Variants in DOCK8 observed in about 807,000 individuals in gnomAD.
DOCK8 encodes the protein dedicator of cytokinesis protein 8.
Under a neutral mutation model 245.6 loss-of-function variants are expected in DOCK8, and 141 were observed. The observed-to-expected ratio is 0.57, with a 90% CI of 0.50 to 0.66. The LOEUF (loss-of-function observed/expected upper bound fraction) is 0.66, where lower values mean the gene tolerates loss of function less well. DOCK8 is among the 30% of genes least tolerant of loss of function. The probability of loss-of-function intolerance (pLI) is 0.00; values close to 1 mark genes in which losing one functional copy is unlikely to be tolerated. For missense variants in DOCK8, 2,965 were observed against 2,603.4 expected (o/e 1.14, Z -3.02); for synonymous variants, 1,168 against 970.2 (o/e 1.20, Z -3.79).
rs779346551 is a variant in DOCK8 at position 414,787 on chromosome 9, G to A, written c.3536G>A (p.Ser1179Asn). 6.2e-7 allele frequency: 1 copy of A among 1,614,194 alleles called. No individual in the cohort carries two copies. Among genetic ancestry groups the A allele is most frequent in the Non-Finnish European group, 8.5e-7 (1 of 1,180,020 alleles). ...AALDAEGEGI[S>N]KVQRKAVSAI... is the part of the protein sequence containing the mutation. ...TTCCTGTGTTGTGCCAACAGAATCA[G>A]CAAAGTACAAAGGAAAGCTGTCAGT... Residue 1179 changes from serine to asparagine, a missense_variant, in exon 29 of 48, where the codon AGC (serine) becomes AAC (asparagine). Physicochemically the swap from Ser to Asn is conservative, Grantham distance 46. This residue lies in a region of DOCK8 where 2,825 missense variants were observed against 2,453.5 expected (regional missense o/e 1.15). Transcript: ENST00000432829.
At chr9:344,864 C>G (rs560180099) in intron 14 of DOCK8, among the ~76,000 whole-genome samples, 1 of 151,970 alleles carries the variant, frequency 6.6e-6, no homozygotes, top group Non-Finnish European at 1.5e-5. Context: ...CCAGCCTGGC[C>G]AACACGGTGA....
chr9:368,177 T>C, intron 15 of DOCK8, 42 bp downstream of exon 15: 3 of 1,471,820 alleles, frequency 2.0e-6, no homozygotes, highest in Non-Finnish European at 2.9e-6. Flanking sequence ...CAGGGTGGGC[T>C]GCTCACCCCT....
intron 11 of DOCK8, among the ~76,000 whole-genome samples, chr9:334,898 A>G (rs1370399797): frequency 6.6e-6 from 1 of 152,142 alleles, no homozygotes; most frequent in Non-Finnish European, 1.5e-5. Context: ...CCTGGCCAAC[A>G]TGGTAAAACC....
chr9:338,146 T>G (rs1240856719), intron 12 of DOCK8, among the ~76,000 whole-genome samples: 1 of 148,014 alleles, frequency 6.8e-6, no homozygotes, highest in Non-Finnish European at 1.5e-5. Context: ...AGAGTGAGGC[T>G]CCATCTCAGA....
rs2055955524 is a variant in DOCK8 at position 415,540 on chromosome 9, A to G, written c.3700+589A>G. 2.0e-5 allele frequency among the ~76,000 whole-genome samples: 3 copies of G among 152,232 alleles called. No individual in the cohort carries two copies. The South Asian group carries it at 6.2e-4, about 32-fold the overall frequency. ...TCTTAAAGGGGTTTTGTGAAACCCC[A>G]GAATCTATTTACAAATTACATTGTG... On this transcript the variant is annotated intron_variant, in intron 29 of 47. Coordinates refer to ENST00000432829, the MANE Select transcript of DOCK8 (RefSeq NM_203447.4).
chr9:318,002 G>C (rs1185589434), intron 7 of DOCK8, among the ~76,000 whole-genome samples: 2 of 150,868 alleles, frequency 1.3e-5, no homozygotes, highest in Admixed American at 1.3e-4. Context: ...CTATAGACAT[G>C]TATTAATTTT....
chr9:255,622 C>T (rs573027816), intron 1 of DOCK8, among the ~76,000 whole-genome samples: 6 of 142,994 alleles, frequency 4.2e-5, no homozygotes, highest in Non-Finnish European at 6.0e-5. Context: ...GAGCCGAGAT[C>T]GCGCCACTGC....
At chr9:356,345 A>G (rs1384845548) in intron 14 of DOCK8, among the ~76,000 whole-genome samples, 3 of 152,054 alleles carry the variant, frequency 2.0e-5, no homozygotes, top group African/African-American at 7.2e-5. Context: ...TGGCTAACAC[A>G]GTGAAACCCC....
intron 2 of DOCK8, among the ~76,000 whole-genome samples, chr9:280,118 TA>T (rs2048514974): frequency 6.8e-6 from 1 of 146,146 alleles, no homozygotes; most frequent in Non-Finnish European, 1.5e-5. Context: ...TGACATGTGT[TA>T]GGGGCAAGGG....
chr9:402,533 A>T (rs887347025), intron 26 of DOCK8, among the ~76,000 whole-genome samples: 1 of 152,090 alleles, frequency 6.6e-6, no homozygotes, highest in African/African-American at 2.4e-5. Context: ...AAGGTCACTG[A>T]CCCCCATTCG....
chr9:356,840 C>A (rs2052471592), intron 14 of DOCK8, among the ~76,000 whole-genome samples: 1 of 100,304 alleles, frequency 1.0e-5, no homozygotes. Context: ...GGGCATCTTA[C>A]TTGAAAAAAA....
intron 29 of DOCK8, among the ~76,000 whole-genome samples, chr9:417,521 G>T (rs2056080831): frequency 6.6e-6 from 1 of 152,068 alleles, no homozygotes; most frequent in Non-Finnish European, 1.5e-5. Context: ...TTGTATACTG[G>T]TAGCATTCTT....
intron 14 of DOCK8, among the ~76,000 whole-genome samples, chr9:362,647 A>G (rs1166248680): frequency 6.6e-6 from 1 of 152,192 alleles, no homozygotes; most frequent in African/African-American, 2.4e-5. Flanking sequence ...GCTCAGCTAA[A>G]GAGGTGTTCA....
chr9:444,584 C>T (rs181618434), intron 43 of DOCK8, among the ~76,000 whole-genome samples: 50 of 152,202 alleles, frequency 3.3e-4, no homozygotes, highest in Non-Finnish European at 5.3e-4. Context: ...ATTATGTAGG[C>T]AAATTGAATA....
intron 8 of DOCK8, among the ~76,000 whole-genome samples, chr9:326,756 C>T (rs546320811): frequency 1.3e-5 from 2 of 152,310 alleles, no homozygotes; most frequent in African/African-American, 2.4e-5. Context: ...TTGTCACTGC[C>T]ATTGCTGCCC....
At chr9:359,133 T>C (rs1291773195) in intron 14 of DOCK8, among the ~76,000 whole-genome samples, 1 of 152,206 alleles carries the variant, frequency 6.6e-6, no homozygotes, top group Non-Finnish European at 1.5e-5. Flanking sequence ...ATGCTGCTAC[T>C]CATTGGACTG....
intron 26 of DOCK8, among the ~76,000 whole-genome samples, chr9:402,328 C>T (rs2055150810): frequency 6.6e-6 from 1 of 152,190 alleles, no homozygotes; most frequent in African/African-American, 2.4e-5. Flanking sequence ...GACCAGGAGT[C>T]AAGAAGCCTG....
chr9:376,428 C>T (rs2053518244), intron 19 of DOCK8, 123 bp downstream of exon 19: 4 of 791,426 alleles, frequency 5.1e-6, no homozygotes, highest in Non-Finnish European at 8.9e-6. Flanking sequence ...CCCTTTAGTT[C>T]TTTGTGGGGA....
chr9:232,931 T>C (rs2047153194), intron 1 of DOCK8, among the ~76,000 whole-genome samples: 1 of 152,222 alleles, frequency 6.6e-6, no homozygotes, highest in Non-Finnish European at 1.5e-5. Flanking sequence ...TTTCTTGCCT[T>C]CTGCTAGCTT....
Sources: gnomAD v4.1 joint callset for allele counts (sites outside exome capture counted in the v4.1 genomes callset) on GRCh38, gnomAD v4.1.1 for gene constraint, gnomAD v4.1.1 regional missense constraint, MANE v1.5 for transcripts, NCBI Gene and HGNC (gene_info 2026-07-23, HGNC 2026-07-21) for gene names.